The following NRXN3 variants were observed in gnomAD, a reference collection of about 807,000 sequenced individuals.
NRXN3 encodes the protein neurexin III.
In NRXN3, 32 loss-of-function variants were observed where a neutral mutation model predicts 137.6. That is an observed-to-expected ratio of 0.23 (90% CI 0.18 to 0.31). NRXN3 has a LOEUF of 0.31. Among genes scored for constraint, NRXN3 ranks in the 10% least tolerant of loss-of-function variants. The pLI is 1.00. For synonymous variants in NRXN3, 798 were observed against 784.5 expected (o/e 1.02, Z -0.29); for missense variants, 1,574 against 2,062.5 (o/e 0.76, Z 4.59).
chr14:78,867,281 T>A (rs1350996732), intron 10 of NRXN3, among the ~76,000 whole-genome samples: 2 of 152,208 alleles, frequency 1.3e-5, no homozygotes, highest in Non-Finnish European at 2.9e-5. Flanking sequence ...CCCCAGGGTC[T>A]TGGTTTCAAG....
At chr14:79,109,322 A>G (rs1207730142) in intron 15 of NRXN3, among the ~76,000 whole-genome samples, 2 of 152,196 alleles carry the variant, frequency 1.3e-5, no homozygotes, top group African/African-American at 2.4e-5. Context: ...TGATTCACTA[A>G]TCAAACTTAG....
intron 8 of NRXN3, among the ~76,000 whole-genome samples, chr14:78,728,127 C>T (rs947853128): frequency 2.6e-5 from 4 of 152,186 alleles, no homozygotes; most frequent in African/African-American, 9.7e-5. Context: ...AAAGCAATTT[C>T]AGAGGTGCTC....
At chr14:79,449,155 C>T (rs192823450) in intron 15 of NRXN3, among the ~76,000 whole-genome samples, 1 of 152,280 alleles carries the variant, frequency 6.6e-6, no homozygotes. Flanking sequence ...TCATGTCCGC[C>T]TCCTGCATCA....
At chr14:79,817,833 G>A (rs946226191) in intron 20 of NRXN3, among the ~76,000 whole-genome samples, 1 of 152,132 alleles carries the variant, frequency 6.6e-6, no homozygotes, top group South Asian at 2.1e-4. Context: ...GTTGATAAAT[G>A]GGTTAGTTAT....
At chr14:78,541,849 T>C (rs535845389) in intron 4 of NRXN3, among the ~76,000 whole-genome samples, 108 of 152,340 alleles carry the variant, frequency 7.1e-4, no homozygotes, top group Non-Finnish European at 1.3e-3. Context: ...TTTCTGTTTG[T>C]TAGTTTTCCT....
At chr14:79,263,921 A>C (rs1404502134) in intron 15 of NRXN3, among the ~76,000 whole-genome samples, 1 of 152,146 alleles carries the variant, frequency 6.6e-6, no homozygotes, top group Non-Finnish European at 1.5e-5. Flanking sequence ...CTCCAAGCTA[A>C]GAACTCTTTT....
chr14:78,514,079 C>T (rs934557721), intron 4 of NRXN3, among the ~76,000 whole-genome samples: 1 of 151,910 alleles, frequency 6.6e-6, no homozygotes, highest in Non-Finnish European at 1.5e-5. Context: ...CTGCTGCCAC[C>T]TTTCATATTC....
intron 5 of NRXN3, 32 bp downstream of exon 5, chr14:78,645,453 GC>G: frequency 6.5e-7 from 1 of 1,529,924 alleles, no homozygotes; most frequent in Non-Finnish European, 8.8e-7. Context: ...TTCCTGGAAG[GC>G]TCATCTTAGG....
intron 16 of NRXN3, among the ~76,000 whole-genome samples, chr14:79,533,317 T>C (rs747778506): frequency 6.6e-6 from 1 of 152,142 alleles, no homozygotes; most frequent in African/African-American, 2.4e-5. Flanking sequence ...GCTGTCTCCT[T>C]TTAATAGGAT....
chr14:79,124,736 G>C (rs1445120559), intron 15 of NRXN3, among the ~76,000 whole-genome samples: 1 of 152,166 alleles, frequency 6.6e-6, no homozygotes, highest in Non-Finnish European at 1.5e-5. Flanking sequence ...AGAAATATAA[G>C]TAATACCTGG....
intron 15 of NRXN3, among the ~76,000 whole-genome samples, chr14:79,458,366 G>A (rs967881326): frequency 6.6e-6 from 1 of 152,118 alleles, no homozygotes; most frequent in African/African-American, 2.4e-5. Context: ...TCTAACTGAT[G>A]AGCATTTATA....
At chr14:79,483,205 A>G (rs1252857358) in intron 16 of NRXN3, among the ~76,000 whole-genome samples, 4 of 152,214 alleles carry the variant, frequency 2.6e-5, no homozygotes, top group Non-Finnish European at 2.9e-5. Flanking sequence ...GATGTGTCTC[A>G]TCCAAATTTG....
At chr14:78,241,480 C>T (rs1460344909) in intron 1 of NRXN3, among the ~76,000 whole-genome samples, 3 of 152,004 alleles carry the variant, frequency 2.0e-5, no homozygotes, top group African/African-American at 7.3e-5. Context: ...ATTAGCTGTG[C>T]ATGGTGGTAC....
chr14:78,702,507 C>T (rs1353165111), intron 6 of NRXN3, among the ~76,000 whole-genome samples: 2 of 133,792 alleles, frequency 1.5e-5, no homozygotes, highest in Non-Finnish European at 3.1e-5. Context: ...TGTAGTGGTG[C>T]GATATCAGCT....
At chr14:78,940,274 T>A (rs2099350507) in intron 10 of NRXN3, among the ~76,000 whole-genome samples, 2 of 152,194 alleles carry the variant, frequency 1.3e-5, no homozygotes, top group South Asian at 4.1e-4. Context: ...AAGCATAAGC[T>A]TTGCTTTCTC....
intron 15 of NRXN3, among the ~76,000 whole-genome samples, chr14:79,197,392 G>C (rs1218081606): frequency 1.3e-5 from 2 of 152,190 alleles, no homozygotes; most frequent in Non-Finnish European, 2.9e-5. Flanking sequence ...GCTAGGAGTA[G>C]AGATAATAAG....
intron 19 of NRXN3, among the ~76,000 whole-genome samples, chr14:79,735,445 C>G (rs1410132553): frequency 2.6e-5 from 4 of 152,128 alleles, no homozygotes; most frequent in African/African-American, 9.7e-5. Flanking sequence ...AAGCTGCAAA[C>G]TTCCCGGGGT....
intron 20 of NRXN3, among the ~76,000 whole-genome samples, chr14:79,841,072 T>A (rs1275913701): frequency 6.6e-6 from 1 of 152,202 alleles, no homozygotes; most frequent in Non-Finnish European, 1.5e-5. Flanking sequence ...AGGGCTCCTC[T>A]ATTGTAAATC....
rs768834330 is a variant in NRXN3, at chr14:78,810,312, A to G, written c.2249-6A>G. ...TTTCATCTTTCATTTATTTTTCCCCATCTAGACTGTATCAGGATAAACTGT... is the reference window on the plus strand; with the variant it reads ...TTTCATCTTTCATTTATTTTTCCCCGTCTAGACTGTATCAGGATAAACTGT... On this transcript the variant is annotated splice_polypyrimidine_tract_variant and splice_region_variant and intron_variant, in intron 9 of 20. Transcript: ENST00000335750. 2.0e-6 allele frequency: 3 copies of G among 1,511,434 alleles called. No individual in the cohort carries two copies. The highest frequency in any genetic ancestry group is 1.3e-5 in the South Asian group (1 of 79,138). 93.6% of individuals were successfully genotyped at this position (1,511,434 alleles called of 1,614,324 possible).
Sources: gnomAD v4.1 joint callset for allele counts (sites outside exome capture counted in the v4.1 genomes callset) on GRCh38, gnomAD v4.1.1 for gene constraint, MANE v1.5 for transcripts, NCBI Gene and HGNC (gene_info 2026-07-23, HGNC 2026-07-21) for gene names.